Variants in ZEB2 observed in about 807,000 individuals in gnomAD.
ZEB2 encodes zinc finger E-box binding homeobox 2.
A neutral mutation model predicts 99.9 loss-of-function variants in ZEB2; 6 were observed. That is an observed-to-expected ratio of 0.06 (90% CI 0.03 to 0.12). The LOEUF (loss-of-function observed/expected upper bound fraction) is 0.12. Ranked by LOEUF, ZEB2 falls within the 10% of genes least tolerant of loss-of-function variation. ZEB2 has a pLI of 1.00. For missense variants in ZEB2, 969 were observed against 1,502.8 expected (o/e 0.64, Z 5.87); for synonymous variants, 517 against 542.5 (o/e 0.95, Z 0.65).
At chr2:144,496,959 G>A (rs1369278775) in intron 2 of ZEB2, 1 of 152,186 alleles carries the variant, frequency 6.6e-6, no homozygotes, top group Non-Finnish European at 1.5e-5. Flanking sequence ...TATGGGATAG[G>A]ACATTCTTCT....
rs778927742 is a variant in ZEB2, at chr2:144,511,875, C to A, written c.73+5403G>T. On this transcript the variant is annotated intron_variant, in intron 2 of 9. Coordinates refer to ENST00000627532, the MANE Select transcript of ZEB2 (RefSeq NM_014795.4). ...CTCTGCTCTGAATTATTTTTTTCAA[C>A]CTTCACATCTTGGCTAAAAAGCATA... 1.9e-5 allele frequency: 25 copies of A among 1,287,138 alleles called. No homozygotes were observed. In the South Asian group the frequency reaches 2.6e-4, roughly 13 times the overall value. The allele number at this position is 1,287,138 out of a possible 1,614,324, so 79.7% of individuals were successfully genotyped here. A position where few individuals can be genotyped will look rare whatever the true frequency, so the allele number is the denominator to read the frequency against.
At chr2:144,473,269 G>A (rs187479223) in intron 2 of ZEB2, among the ~76,000 whole-genome samples, 9 of 152,300 alleles carry the variant, frequency 5.9e-5, no homozygotes, top group Non-Finnish European at 1.3e-4. Context: ...CGATAGGGTG[G>A]TATTTCCCAC....
At chr2:144,479,702 T>A (rs1005925184) in intron 2 of ZEB2, among the ~76,000 whole-genome samples, 2 of 42,740 alleles carry the variant, frequency 4.7e-5, no homozygotes, top group Non-Finnish European at 5.3e-5. Flanking sequence ...GGGCGGGGGG[T>A]GGACTTTGAA....
intron 8 of ZEB2, 80 bp downstream of exon 8, chr2:144,398,221 G>T: frequency 6.4e-7 from 1 of 1,559,940 alleles, no homozygotes; most frequent in Non-Finnish European, 8.7e-7. Context: ...TTTTCACTAA[G>T]ATTTTTTTTT....
At chr2:144,437,355 T>A (rs1703852182) in intron 2 of ZEB2, among the ~76,000 whole-genome samples, 1 of 152,186 alleles carries the variant, frequency 6.6e-6, no homozygotes, top group Non-Finnish European at 1.5e-5. Context: ...GTACATCTAC[T>A]GCCAATAATT....
intron 2 of ZEB2, among the ~76,000 whole-genome samples, chr2:144,509,748 A>C (rs1705003846): frequency 6.6e-6 from 1 of 152,172 alleles, no homozygotes; most frequent in Non-Finnish European, 1.5e-5. Flanking sequence ...GGAGCAAGAT[A>C]ATGTCGCTGA....
chr2:144,401,926 T>C (rs1361594564), intron 6 of ZEB2, among the ~76,000 whole-genome samples: 1 of 152,200 alleles, frequency 6.6e-6, no homozygotes, highest in Non-Finnish European at 1.5e-5. Context: ...GTAGCAAATA[T>C]AAGCCCAGTT....
chr2:144,434,788 T>C (rs973714374), intron 2 of ZEB2, among the ~76,000 whole-genome samples: 1 of 152,158 alleles, frequency 6.6e-6, no homozygotes, highest in African/African-American at 2.4e-5. Context: ...TTTCCTGCAA[T>C]AGTTTGGAAA....
At chr2:144,468,929 C>T (rs1704312718) in intron 2 of ZEB2, among the ~76,000 whole-genome samples, 1 of 152,040 alleles carries the variant, frequency 6.6e-6, no homozygotes, top group South Asian at 2.1e-4. Flanking sequence ...TATATCAAAT[C>T]GAGGACTTAC....
intron 2 of ZEB2, among the ~76,000 whole-genome samples, chr2:144,508,180 G>A (rs1238995950): frequency 1.3e-5 from 2 of 152,174 alleles, no homozygotes; most frequent in Non-Finnish European, 2.9e-5. Context: ...TGATGCTGGC[G>A]CTGCCCGGGC....
chr2:144,452,746 T>A (rs1704071178), intron 2 of ZEB2, among the ~76,000 whole-genome samples: 1 of 152,108 alleles, frequency 6.6e-6, no homozygotes, highest in African/African-American at 2.4e-5. Context: ...GCCATCTCGG[T>A]ATTTAATCTG....
chr2:144,513,304 G>C (rs1274314182), intron 2 of ZEB2: 2 of 1,293,760 alleles, frequency 1.5e-6, no homozygotes, highest in Middle Eastern at 3.2e-4. Context: ...TCTCCTCTAG[G>C]ATCCAAAGCC....
At chr2:144,472,242 CATA>C (rs1157717994) in intron 2 of ZEB2, among the ~76,000 whole-genome samples, 1 of 152,020 alleles carries the variant, frequency 6.6e-6, no homozygotes, top group Non-Finnish European at 1.5e-5. Flanking sequence ...TCATTCTTAT[CATA>C]ATGTTCTTTA....
chr2:144,404,321 C>G (rs976983613), intron 5 of ZEB2, among the ~76,000 whole-genome samples, 191 bp from the exon 6 acceptor site: 1 of 135,744 alleles, frequency 7.4e-6, no homozygotes, highest in Non-Finnish European at 1.5e-5. Context: ...TCGGAATCAG[C>G]TCACACTGTG....
At chr2:144,396,020 T>C (rs1281153564) in intron 9 of ZEB2, among the ~76,000 whole-genome samples, 1 of 152,146 alleles carries the variant, frequency 6.6e-6, no homozygotes, top group African/African-American at 2.4e-5. Context: ...ATGATGAAAC[T>C]AATGTATTAC....
intron 2 of ZEB2, among the ~76,000 whole-genome samples, chr2:144,432,184 C>T (rs1703782858): frequency 6.6e-6 from 1 of 152,128 alleles, no homozygotes; most frequent in African/African-American, 2.4e-5. Context: ...TCTAAACAAG[C>T]AATGAAGTCA....
chr2:144,501,549 T>C (rs796977323), intron 2 of ZEB2, among the ~76,000 whole-genome samples: 25 of 152,284 alleles, frequency 1.6e-4, no homozygotes, highest in African/African-American at 6.0e-4. Flanking sequence ...AATTATGACT[T>C]CATTTAGAGT....
chr2:144,435,115 A>T (rs1238538469), intron 2 of ZEB2, among the ~76,000 whole-genome samples: 1 of 152,132 alleles, frequency 6.6e-6, no homozygotes, highest in African/African-American at 2.4e-5. Context: ...GGTGGCTACG[A>T]GGAAAAAGGA....
chr2:144,459,268 T>C (rs956263443), intron 2 of ZEB2, among the ~76,000 whole-genome samples: 10 of 152,126 alleles, frequency 6.6e-5, no homozygotes, highest in African/African-American at 2.4e-4. Flanking sequence ...GATATACAAC[T>C]AAGGAGAGTA....
Sources: gnomAD v4.1 joint callset for allele counts (sites outside exome capture counted in the v4.1 genomes callset) on GRCh38, gnomAD v4.1.1 for gene constraint, MANE v1.5 for transcripts, NCBI Gene and HGNC (gene_info 2026-07-23, HGNC 2026-07-21) for gene names.